Variants in SPRR2G observed in about 807,000 individuals in gnomAD.
SPRR2G encodes the protein small proline rich protein 2G, also known as small proline-rich protein 2G.
A neutral mutation model predicts 0.7 loss-of-function variants in SPRR2G; 1 was observed. The observed-to-expected ratio is 1.49, with a 90% CI of 0.53 to 7.06. The LOEUF (loss-of-function observed/expected upper bound fraction) is 7.06, where lower values mean the gene tolerates loss of function less well. Ranked by LOEUF, SPRR2G falls within the 30% of genes most tolerant of loss-of-function variation. The pLI, the probability that SPRR2G is intolerant of heterozygous loss-of-function variation, is 0.14. For synonymous variants in SPRR2G, 38 were observed against 33.9 expected, an observed-to-expected ratio of 1.12 and a Z score of -0.42; for missense variants, 96 against 88.5, an observed-to-expected ratio of 1.09 and a Z score of -0.34.
At chr1:153,158,699 G>C in the SPRR2G span, among the ~76,000 whole-genome samples, 5 of 152,218 alleles carry the variant, frequency 3.3e-5, no homozygotes, top group Non-Finnish European at 7.3e-5. Context: ...CATTGCCCTA[G>C]AAGAGGTTCT....
At chr1:153,162,035 A>G in the SPRR2G span, among the ~76,000 whole-genome samples, 4 of 152,086 alleles carry the variant, frequency 2.6e-5, no homozygotes, top group Non-Finnish European at 5.9e-5. Context: ...GTTCAAGGGT[A>G]CATGTGCAGG....
At chr1:153,178,404 T>C in the SPRR2G span, among the ~76,000 whole-genome samples, 2 of 152,176 alleles carry the variant, frequency 1.3e-5, no homozygotes, top group Non-Finnish European at 2.9e-5. Flanking sequence ...TTGTTTCTGA[T>C]ATTAGGGGAA....
chr1:153,190,516 C>T, the SPRR2G span: 1 of 152,328 alleles, frequency 6.6e-6, no homozygotes, highest in Non-Finnish European at 1.5e-5. Flanking sequence ...GTTTTCAAAC[C>T]TTCCACCTGT....
At chr1:153,193,006 TC>T in the SPRR2G span, among the ~76,000 whole-genome samples, 39 of 152,138 alleles carry the variant, frequency 2.6e-4, no homozygotes, top group Non-Finnish European at 4.9e-4. Context: ...GGACTAGGTT[TC>T]CATTTCTTTA....
the SPRR2G span, chr1:153,191,415 T>C: frequency 6.6e-6 from 1 of 152,180 alleles, no homozygotes; most frequent in Non-Finnish European, 1.5e-5. Flanking sequence ...GCCTTGAAAA[T>C]AATTTACACA....
At chr1:153,183,532 T>G in the SPRR2G span, among the ~76,000 whole-genome samples, 1 of 152,202 alleles carries the variant, frequency 6.6e-6, no homozygotes, top group Non-Finnish European at 1.5e-5. Flanking sequence ...GACAAGTGTC[T>G]GTTCATATCC....
the SPRR2G span, among the ~76,000 whole-genome samples, chr1:153,170,563 A>G: frequency 2.0e-5 from 3 of 152,204 alleles, no homozygotes; most frequent in African/African-American, 7.2e-5. Context: ...AATCAACTCC[A>G]GAAGACTACT....
the SPRR2G span, among the ~76,000 whole-genome samples, chr1:153,186,192 T>C: frequency 6.6e-6 from 1 of 152,214 alleles, no homozygotes; most frequent in Non-Finnish European, 1.5e-5. Flanking sequence ...TACGTTCTGT[T>C]GATTTGGGGT....
At chr1:153,198,673 C>G in the SPRR2G span, among the ~76,000 whole-genome samples, 3 of 152,112 alleles carry the variant, frequency 2.0e-5, no homozygotes, top group South Asian at 6.2e-4. Flanking sequence ...AGTCGGAGCG[C>G]ATAAGAGGAG....
chr1:153,154,367 T>C (rs992998220), upstream of SPRR2G, among the ~76,000 whole-genome samples: 1 of 152,086 alleles, frequency 6.6e-6, no homozygotes, highest in African/African-American at 2.4e-5. Flanking sequence ...GCCATCCTCA[T>C]ACAATGAATT....
At chr1:153,171,926 G>A in the SPRR2G span, among the ~76,000 whole-genome samples, 285 of 152,056 alleles carry the variant, frequency 1.9e-3, 5 homozygotes, top group South Asian at 0.03. Context: ...CGAATCCCCA[G>A]CCCTGTACTC....
chr1:153,156,863 C>T, the SPRR2G span, among the ~76,000 whole-genome samples: 4,109 of 152,210 alleles, frequency 0.027, 180 homozygotes, highest in African/African-American at 0.093. Flanking sequence ...AAGTAAACGT[C>T]AGTATTTAAA....
At chr1:153,171,747 C>A in the SPRR2G span, among the ~76,000 whole-genome samples, 1 of 152,188 alleles carries the variant, frequency 6.6e-6, no homozygotes, top group East Asian at 1.9e-4. Context: ...ATAGTGAAGT[C>A]TCTTTTTTTG....
At chr1:153,177,522 T>G in the SPRR2G span, among the ~76,000 whole-genome samples, 1 of 152,174 alleles carries the variant, frequency 6.6e-6, no homozygotes, top group Non-Finnish European at 1.5e-5. Context: ...TGTCATTAAT[T>G]TTAATATTAG....
chr1:153,194,489 C>T, the SPRR2G span, among the ~76,000 whole-genome samples: 1 of 152,182 alleles, frequency 6.6e-6, no homozygotes. Flanking sequence ...TCCTTACCTC[C>T]TGCCACTTCC....
the SPRR2G span, among the ~76,000 whole-genome samples, chr1:153,181,258 G>A: frequency 6.6e-6 from 1 of 151,902 alleles, no homozygotes; most frequent in Non-Finnish European, 1.5e-5. Flanking sequence ...GTTTTTGGTT[G>A]TGTAATATAT....
At position 153,149,977 on chromosome 1, in the gene SPRR2G, T is replaced by A. The variant is rs1179658357; in HGVS notation, c.134A>T (p.His45Leu). 14 of 1,614,006 alleles carry A rather than the reference T, an allele frequency of 8.7e-6. No individual in the cohort carries two copies. The highest frequency in any genetic ancestry group is 1.2e-5 in the Non-Finnish European group (14 of 1,179,972). The change falls in exon 2 of 2, where the codon CAT (histidine) becomes CTT (leucine). Residue 45 changes from histidine to leucine, a missense_variant. By Grantham distance (99) the His-to-Leu change is moderately conservative. Coordinates refer to ENST00000368748, the MANE Select transcript of SPRR2G (RefSeq NM_001014291.4). ...PYLPPPCPPE[H>L]CPPPPCQDKC... Reference sequence around the variant, plus strand: ...ATCCTGGCATGGTGGAGGTGGGCAATGCTCAGGTGGACAAGGAGGAGGCAG... The same window carrying A: ...ATCCTGGCATGGTGGAGGTGGGCAAAGCTCAGGTGGACAAGGAGGAGGCAG...
At chr1:153,166,271 G>T in the SPRR2G span, among the ~76,000 whole-genome samples, 1 of 152,132 alleles carries the variant, frequency 6.6e-6, no homozygotes, top group Non-Finnish European at 1.5e-5. Flanking sequence ...ACCAAGGAGG[G>T]TTCTGCATTT....
chr1:153,153,897 C>T (rs547947574), upstream of SPRR2G, among the ~76,000 whole-genome samples: 38 of 152,170 alleles, frequency 2.5e-4, 1 homozygote, highest in African/African-American at 8.7e-4. Context: ...TTGCTTTGCT[C>T]CTGATCTTAG....
Sources: gnomAD v4.1 joint callset for allele counts (sites outside exome capture counted in the v4.1 genomes callset) on GRCh38, gnomAD v4.1.1 for gene constraint, MANE v1.5 for transcripts, NCBI Gene and HGNC (gene_info 2026-07-23, HGNC 2026-07-21) for gene names.